The following SCN3A variants were observed in gnomAD, a reference collection of about 807,000 sequenced individuals.
SCN3A encodes sodium voltage-gated channel alpha subunit 3.
In SCN3A, 60 loss-of-function variants were observed where a neutral mutation model predicts 187.6. The ratio of observed to expected loss-of-function variants is 0.32; its 90% CI spans 0.26 to 0.40. The LOEUF (loss-of-function observed/expected upper bound fraction) is 0.40. Among genes scored for constraint, SCN3A ranks in the 10% least tolerant of loss-of-function variants. The probability of loss-of-function intolerance (pLI) is 1.00; values close to 1 mark genes in which losing one functional copy is unlikely to be tolerated. For missense variants in SCN3A, 1,601 were observed against 2,428.2 expected, an observed-to-expected ratio of 0.66 and a Z score of 7.16; for synonymous variants, 788 against 829.2, an observed-to-expected ratio of 0.95 and a Z score of 0.85.
intron 18 of SCN3A, 43 bp downstream of exon 18, chr2:165,127,588 G>T: frequency 6.8e-7 from 1 of 1,460,158 alleles, no homozygotes; most frequent in Non-Finnish European, 9.6e-7. Context: ...GTAGTACATG[G>T]TTATCATAGG....
chr2:165,202,888 T>C (rs1280273872), intron 1 of SCN3A, among the ~76,000 whole-genome samples: 2 of 152,206 alleles, frequency 1.3e-5, no homozygotes, highest in African/African-American at 4.8e-5. Context: ...TTAAAACTTA[T>C]CTTTCAATTA....
At position 165,087,974 on chromosome 2, in the gene SCN3A, T is replaced by C. The variant is rs1010008144; in HGVS notation, c.*2176A>G. On this transcript the variant is annotated 3_prime_UTR_variant, in exon 28 of 28. Coordinates refer to ENST00000283254, the MANE Select transcript of SCN3A (RefSeq NM_006922.4). ...CAAAGCTGCTTTTAATTTGCCTTTG[T>C]TCTGTAGTACTGCTTGGTGAATCAT... 1.4e-4 allele frequency: 21 copies of C among 152,310 alleles called. No individual in the cohort carries two copies. Among genetic ancestry groups the C allele is most frequent in the African/African-American group, 4.8e-4 (20 of 41,590 alleles). The allele number at this position is 152,310 out of a possible 1,614,324, so 9.4% of individuals were successfully genotyped here. A position where few individuals can be genotyped will look rare whatever the true frequency, so the allele number is the denominator to read the frequency against.
intron 3 of SCN3A, among the ~76,000 whole-genome samples, chr2:165,175,445 C>G (rs1048211166): frequency 6.6e-6 from 1 of 152,044 alleles, no homozygotes; most frequent in Admixed American, 6.6e-5. Flanking sequence ...GTCATAACCA[C>G]TAATTTAAAT....
chr2:165,166,928 T>C (rs57401977), intron 5 of SCN3A, among the ~76,000 whole-genome samples: 33,428 of 150,628 alleles, frequency 0.22, 4,877 homozygotes, highest in East Asian at 0.52. Flanking sequence ...GAAACAGAGT[T>C]TCGCTCTGTC....
intron 19 of SCN3A, 60 bp from the exon 20 acceptor site, chr2:165,114,030 A>G (rs1252772260): frequency 8.7e-7 from 1 of 1,152,336 alleles, no homozygotes; most frequent in African/African-American, 1.6e-5. Context: ...GAAAAAATAA[A>G]CTTTCTTGCC....
At chr2:165,139,746 C>A in intron 13 of SCN3A, 138 bp from the exon 14 acceptor site, 1 of 1,086,368 alleles carries the variant, frequency 9.2e-7, no homozygotes, top group Admixed American at 2.0e-5. Flanking sequence ...TGAATTATTG[C>A]TAAGTTATAA....
rs181737555 is a variant in SCN3A, at chr2:165,184,864, C to T, written c.-51+1687G>A. Among the ~76,000 whole-genome samples, 726 of 152,242 alleles carry T rather than the reference C, an allele frequency of 4.8e-3. 1 individual carries two copies. Among genetic ancestry groups the T allele is most frequent in the Non-Finnish European group, 6.5e-3 (444 of 68,020 alleles). On this transcript the variant is annotated intron_variant, in intron 2 of 27. Transcript: ENST00000283254. ...CAAGGAAATCAGCATTACTATTAGTCTGAATAAATCTATTGAGAAAGTAAC... is the reference window on the plus strand; with the variant it reads ...CAAGGAAATCAGCATTACTATTAGTTTGAATAAATCTATTGAGAAAGTAAC...
At chr2:165,163,487 T>C in intron 7 of SCN3A, 131 bp downstream of exon 7, 1 of 1,115,776 alleles carries the variant, frequency 9.0e-7, no homozygotes, top group Non-Finnish European at 1.3e-6. Flanking sequence ...AAACTGACAT[T>C]GAAACATCAT....
chr2:165,203,073 AAAT>A (rs1332879372), intron 1 of SCN3A, among the ~76,000 whole-genome samples: 1 of 151,944 alleles, frequency 6.6e-6, no homozygotes, highest in Non-Finnish European at 1.5e-5. Context: ...TAATTAATAA[AAAT>A]AAACAGTTAT....
chr2:165,135,590 ATTCT>A (rs750374814), intron 15 of SCN3A, among the ~76,000 whole-genome samples: 2 of 152,082 alleles, frequency 1.3e-5, no homozygotes, highest in Non-Finnish European at 2.9e-5. Flanking sequence ...AATGATAGAA[ATTCT>A]TTCTTTCTCT....
At chr2:165,119,478 T>G (rs1432512839) in intron 18 of SCN3A, among the ~76,000 whole-genome samples, 2 of 152,196 alleles carry the variant, frequency 1.3e-5, no homozygotes, top group African/African-American at 4.8e-5. Flanking sequence ...TTTAAATCAC[T>G]AATGTACACC....
chr2:165,109,534 G>A (rs533241022), intron 21 of SCN3A, among the ~76,000 whole-genome samples: 3 of 151,960 alleles, frequency 2.0e-5, no homozygotes, highest in Non-Finnish European at 2.9e-5. Flanking sequence ...ATTTGTTCAC[G>A]GTGAAAGAAA....
intron 21 of SCN3A, among the ~76,000 whole-genome samples, chr2:165,103,197 A>T (rs576252884): frequency 9.9e-5 from 15 of 152,284 alleles, no homozygotes; most frequent in African/African-American, 3.4e-4. Flanking sequence ...AATTTTAAAG[A>T]TTTGCAACAT....
chr2:165,107,687 C>A (rs11685106), intron 21 of SCN3A, among the ~76,000 whole-genome samples: 3 of 152,180 alleles, frequency 2.0e-5, no homozygotes, highest in Non-Finnish European at 4.4e-5. Flanking sequence ...CCAAATAGAT[C>A]TGTGCCCTAT....
chr2:165,112,813 A>G (rs1423263979), intron 21 of SCN3A, 72 bp downstream of exon 21: 1 of 1,335,666 alleles, frequency 7.5e-7, no homozygotes, highest in Non-Finnish European at 1.1e-6. Flanking sequence ...AAGTTTTAAT[A>G]ACAGAAACAT....
intron 15 of SCN3A, among the ~76,000 whole-genome samples, chr2:165,132,766 C>A (rs919557377): frequency 1.3e-5 from 2 of 152,080 alleles, no homozygotes; most frequent in Admixed American, 6.6e-5. Flanking sequence ...GCGACAAAAG[C>A]CAAAATTGAC....
chr2:165,179,183 G>A (rs1252087651), intron 2 of SCN3A, among the ~76,000 whole-genome samples: 1 of 151,218 alleles, frequency 6.6e-6, no homozygotes, highest in African/African-American at 2.4e-5. Context: ...TAATTTTGAT[G>A]TCTTTATTGA....
chr2:165,200,170 A>C (rs1278614796), intron 1 of SCN3A, among the ~76,000 whole-genome samples: 1 of 152,138 alleles, frequency 6.6e-6, no homozygotes, highest in African/African-American at 2.4e-5. Context: ...GAAAATTTAA[A>C]ACGAACCTAA....
chr2:165,118,072 G>T (rs151266786), intron 18 of SCN3A, among the ~76,000 whole-genome samples: 63 of 152,238 alleles, frequency 4.1e-4, no homozygotes, highest in Non-Finnish European at 7.2e-4. Context: ...ACCTCTGGTT[G>T]TATTTTTTTG....
Sources: allele counts gnomAD v4.1 joint callset (sites outside exome capture counted in the v4.1 genomes callset), GRCh38; gene constraint gnomAD v4.1.1; transcripts MANE v1.5; gene names NCBI Gene and HGNC (gene_info 2026-07-23, HGNC 2026-07-21).